The following C1orf21 variants were observed in gnomAD, a reference collection of about 807,000 sequenced individuals.
The protein encoded by C1orf21 is uncharacterized protein C1orf21.
C1orf21 carries 3 observed loss-of-function variants against 18.7 expected under a neutral mutation model. That is an observed-to-expected ratio of 0.16 (90% CI 0.07 to 0.42). C1orf21 has a LOEUF of 0.42. Among genes scored for constraint, C1orf21 ranks in the 10% least tolerant of loss-of-function variants. The pLI is 0.99. For missense variants in C1orf21, 104 were observed against 143.6 expected, an observed-to-expected ratio of 0.72 and a Z score of 1.41; for synonymous variants, 41 against 46.4, an observed-to-expected ratio of 0.88 and a Z score of 0.47.
At chr1:184,395,073 C>T (rs1656030448) in intron 1 of C1orf21, among the ~76,000 whole-genome samples, 3 of 152,208 alleles carry the variant, frequency 2.0e-5, no homozygotes, top group African/African-American at 7.2e-5. Flanking sequence ...TCAAATCCCA[C>T]CTCCTCCAAG....
At chr1:184,569,370 C>T (rs76857398) in intron 3 of C1orf21, among the ~76,000 whole-genome samples, 1,610 of 152,294 alleles carry the variant, frequency 0.011, 10 homozygotes, top group Non-Finnish European at 0.018. Context: ...AAAGTGTGCA[C>T]ATTTTCCAGA....
chr1:184,480,903 G>GC (rs1657644871), intron 2 of C1orf21, among the ~76,000 whole-genome samples: 1 of 152,148 alleles, frequency 6.6e-6, no homozygotes, highest in African/African-American at 2.4e-5. Flanking sequence ...TTGTATAGTG[G>GC]CCTTTGTCTC....
At chr1:184,392,530 A>G (rs1008399852) in intron 1 of C1orf21, among the ~76,000 whole-genome samples, 1 of 152,156 alleles carries the variant, frequency 6.6e-6, no homozygotes, top group Non-Finnish European at 1.5e-5. Context: ...AAAAGCCCAG[A>G]CTTCACCACT....
At chr1:184,423,448 C>T (rs181331275) in intron 1 of C1orf21, among the ~76,000 whole-genome samples, 8 of 152,210 alleles carry the variant, frequency 5.3e-5, no homozygotes, top group South Asian at 2.1e-4. Flanking sequence ...ACTGGGATTG[C>T]GGCCTTAACT....
At chr1:184,436,273 T>C (rs549152629) in intron 1 of C1orf21, among the ~76,000 whole-genome samples, 11 of 152,240 alleles carry the variant, frequency 7.2e-5, no homozygotes, top group African/African-American at 2.4e-4. Flanking sequence ...ATTGGGGCGA[T>C]GGAGTAGTTC....
At chr1:184,538,136 G>T (rs1658588941) in intron 3 of C1orf21, among the ~76,000 whole-genome samples, 1 of 152,114 alleles carries the variant, frequency 6.6e-6, no homozygotes, top group African/African-American at 2.4e-5. Flanking sequence ...TATTTTCTGG[G>T]TTTTCATGAG....
intron 3 of C1orf21, among the ~76,000 whole-genome samples, chr1:184,559,382 T>G (rs544966789): frequency 6.6e-6 from 1 of 152,278 alleles, no homozygotes; most frequent in African/African-American, 2.4e-5. Context: ...CAGATGCAGC[T>G]GTGCTTCCTG....
intron 1 of C1orf21, among the ~76,000 whole-genome samples, chr1:184,457,881 TTCGCTTATTTATA>T (rs1657245192): frequency 6.6e-6 from 1 of 152,226 alleles, no homozygotes; most frequent in Admixed American, 6.5e-5. Flanking sequence ...CTGATAAGTA[TTCGCTTATTTATA>T]AGGATAGATA....
intron 3 of C1orf21, among the ~76,000 whole-genome samples, chr1:184,556,877 C>A (rs1189040668): frequency 6.6e-6 from 1 of 152,082 alleles, no homozygotes; most frequent in African/African-American, 2.4e-5. Context: ...TATTTTTTGT[C>A]CAACTGAATC....
At chr1:184,448,184 A>G (rs12062547) in intron 1 of C1orf21, among the ~76,000 whole-genome samples, 5,031 of 152,212 alleles carry the variant, frequency 0.033, 281 homozygotes, top group African/African-American at 0.11. Context: ...CCTAGGTTCA[A>G]GCAGTTCTCC....
intron 2 of C1orf21, among the ~76,000 whole-genome samples, chr1:184,505,394 A>G (rs58369306): frequency 0.012 from 1,784 of 148,150 alleles, 34 homozygotes; most frequent in African/African-American, 0.043. Flanking sequence ...ATATATTTAT[A>G]TCAGTGTTCT....
In C1orf21 at chr1:184,482,491, A is replaced by G. The variant is rs535171007; in HGVS notation, c.94+4888A>G. Among the ~76,000 whole-genome samples the G allele has an allele frequency of 2.6e-5, 4 of 152,286 alleles. No homozygotes were observed. The South Asian group carries it at 8.3e-4, about 32-fold the overall frequency. ...TGTTGGGAGCCGTCTTTGGAGACCA[A>G]CGCCCATTGCAAGAGGAAATTATGA... On this transcript the variant is annotated intron_variant, in intron 2 of 5. Coordinates refer to ENST00000235307, the MANE Select transcript of C1orf21 (RefSeq NM_030806.4).
chr1:184,595,527 C>T (rs2102001152), intron 4 of C1orf21, among the ~76,000 whole-genome samples: 1 of 152,252 alleles, frequency 6.6e-6, no homozygotes, highest in East Asian at 1.9e-4. Context: ...AGACAGGAAT[C>T]AGTTGATATG....
intron 3 of C1orf21, among the ~76,000 whole-genome samples, chr1:184,548,936 C>T (rs1658771747): frequency 6.6e-6 from 1 of 152,062 alleles, no homozygotes; most frequent in Non-Finnish European, 1.5e-5. Flanking sequence ...TTATTTAATA[C>T]ATTAATAAAG....
chr1:184,432,004 A>C (rs1263616761), intron 1 of C1orf21, among the ~76,000 whole-genome samples: 1 of 152,238 alleles, frequency 6.6e-6, no homozygotes, highest in African/African-American at 2.4e-5. Flanking sequence ...AATGGCGATC[A>C]TTAAAAAGTC....
intron 1 of C1orf21, among the ~76,000 whole-genome samples, chr1:184,394,474 A>G (rs1480833861): frequency 6.6e-6 from 1 of 152,276 alleles, no homozygotes; most frequent in East Asian, 1.9e-4. Context: ...GTGCTAAGGG[A>G]TGTACTCTCA....
At chr1:184,479,915 A>C (rs186149969) in intron 2 of C1orf21, among the ~76,000 whole-genome samples, 45 of 151,948 alleles carry the variant, frequency 3.0e-4, no homozygotes, top group Middle Eastern at 3.4e-3. Flanking sequence ...GAACCACCAC[A>C]CCCGGCCCTC....
intron 2 of C1orf21, among the ~76,000 whole-genome samples, chr1:184,505,679 C>G (rs1187087596): frequency 6.6e-6 from 1 of 151,908 alleles, no homozygotes; most frequent in African/African-American, 2.4e-5. Flanking sequence ...AGGAGAATTG[C>G]TTGAACCCGG....
intron 3 of C1orf21, among the ~76,000 whole-genome samples, chr1:184,539,754 C>T (rs1237742211): frequency 6.6e-6 from 1 of 152,184 alleles, no homozygotes; most frequent in Admixed American, 6.5e-5. Flanking sequence ...ATGGGCACTT[C>T]TTTGCCCATT....
Sources: allele counts gnomAD v4.1 joint callset (sites outside exome capture counted in the v4.1 genomes callset), GRCh38; gene constraint gnomAD v4.1.1; transcripts MANE v1.5; gene names NCBI Gene and HGNC (gene_info 2026-07-23, HGNC 2026-07-21).